SEZ6: variants seen among roughly 807,000 people sequenced by gnomAD.
SEZ6 encodes the protein seizure protein 6 homolog.
A neutral mutation model predicts 101.0 loss-of-function variants in SEZ6; 53 were observed. The ratio of observed to expected loss-of-function variants is 0.52; its 90% CI spans 0.42 to 0.66. The LOEUF is 0.66. SEZ6 is among the 30% of genes least tolerant of loss of function. SEZ6 has a pLI of 0.00. For synonymous variants in SEZ6, 488 were observed against 512.2 expected (o/e 0.95, Z 0.64); for missense variants, 1,102 against 1,289.4 (o/e 0.85, Z 2.23).
At chr17:28,960,109 C>G in intron 7 of SEZ6, 1 of 611,232 alleles carries the variant, frequency 1.6e-6, no homozygotes, top group Non-Finnish European at 2.8e-6. Context: ...ATCCTGTTCC[C>G]ACTGCCTGGT....
chr17:28,972,844 G>A (rs548371949), intron 3 of SEZ6, among the ~76,000 whole-genome samples: 1 of 152,338 alleles, frequency 6.6e-6, no homozygotes, highest in East Asian at 1.9e-4. Context: ...CAGAGGCTCA[G>A]GGAAAGTGCC....
chr17:28,957,635 G>A (rs1049151984), intron 11 of SEZ6, 96 bp from the exon 12 acceptor site: 2 of 1,311,402 alleles, frequency 1.5e-6, no homozygotes, highest in Non-Finnish European at 2.1e-6. Flanking sequence ...ACTTCTTCAT[G>A]TCGTATGGGT....
intron 1 of SEZ6, among the ~76,000 whole-genome samples, chr17:28,997,766 C>G (rs891149849): frequency 2.6e-5 from 4 of 152,118 alleles, no homozygotes; most frequent in Admixed American, 6.5e-5. Flanking sequence ...GGGGCAGGGA[C>G]AGGCATCATG....
At chr17:28,981,346 A>G (rs1321786796) in intron 2 of SEZ6, 25 bp downstream of exon 2, 1 of 1,525,384 alleles carries the variant, frequency 6.6e-7, no homozygotes. Context: ...CCATTTCCAC[A>G]TCTGCAAGCC....
intron 4 of SEZ6, among the ~76,000 whole-genome samples, chr17:28,964,854 C>T (rs1326420182): frequency 2.0e-5 from 3 of 151,496 alleles, no homozygotes; most frequent in Non-Finnish European, 4.4e-5. Flanking sequence ...GTCGGGAGTT[C>T]GAGACAAGCC....
intron 1 of SEZ6, among the ~76,000 whole-genome samples, chr17:29,003,212 C>A (rs2152694380): frequency 6.6e-6 from 1 of 152,362 alleles, no homozygotes; most frequent in Non-Finnish European, 1.5e-5. Context: ...TCGGCACACG[C>A]AGCCCCTTCA....
At chr17:28,988,423 T>C (rs1430689390) in intron 1 of SEZ6, among the ~76,000 whole-genome samples, 1 of 152,242 alleles carries the variant, frequency 6.6e-6, no homozygotes, top group African/African-American at 2.4e-5. Flanking sequence ...GCCCCGATTC[T>C]GCCTCTCTGC....
At chr17:28,992,474 G>C (rs1057026735) in intron 1 of SEZ6, among the ~76,000 whole-genome samples, 1 of 152,168 alleles carries the variant, frequency 6.6e-6, no homozygotes, top group Non-Finnish European at 1.5e-5. Flanking sequence ...TCACTACCAT[G>C]TGTCCCTGCC....
At chr17:28,980,571 C>T (rs942638142) in intron 2 of SEZ6, among the ~76,000 whole-genome samples, 1 of 151,988 alleles carries the variant, frequency 6.6e-6, no homozygotes, top group Non-Finnish European at 1.5e-5. Context: ...GGGGTTTCAC[C>T]GTGTTAGCAA....
At chr17:29,003,021 A>G (rs549836077) in intron 1 of SEZ6, among the ~76,000 whole-genome samples, 184 of 152,292 alleles carry the variant, frequency 1.2e-3, no homozygotes, top group African/African-American at 4.2e-3. Context: ...TCACACAGCC[A>G]TGGAGGCAGC....
rs753787633 is a variant in SEZ6 at position 28,957,221 on chromosome 17, T to C, written c.2516A>G (p.His839Arg). ...KCLLEQLKPC[H>R]GLSAPENGAR... Reference sequence around the variant, plus strand: ...ACCATTCTCAGGGGCACTGAGACCATGGCATGGCTTGAGCTGTTCCACTAC... The same window carrying C: ...ACCATTCTCAGGGGCACTGAGACCACGGCATGGCTTGAGCTGTTCCACTAC... The change falls in exon 13 of 17, where the codon CAT becomes CGT. Residue 839 changes from histidine to arginine, a missense_variant. This residue lies in a region of SEZ6 where 556 missense variants were observed against 735.1 expected (regional missense o/e 0.76). Transcript: ENST00000317338. The C allele has an allele frequency of 1.2e-6, 2 of 1,614,010 alleles. No homozygotes were observed. The highest frequency in any genetic ancestry group is 2.2e-5 in the South Asian group (2 of 91,080).
chr17:28,982,054 G>C lies in SEZ6; in HGVS notation c.56-15C>G. On this transcript the variant is annotated splice_polypyrimidine_tract_variant and intron_variant, in intron 1 of 16. Coordinates refer to ENST00000317338, the MANE Select transcript of SEZ6 (RefSeq NM_178860.5). ...TAAAGAGAGTCCTGAAATAATAAGG[G>C]ATGGTCAGAGGTTCTCCCCCTGCTC... is the stretch of plus-strand genomic sequence containing the variant. 1 of 1,562,510 alleles carries C rather than the reference G, an allele frequency of 6.4e-7. No individual in the cohort carries two copies. The highest frequency in any genetic ancestry group is 1.2e-5 in the South Asian group (1 of 84,766).
chr17:28,958,888 AGCTTC>A (rs2040927028), intron 10 of SEZ6, 132 bp downstream of exon 10: 2 of 974,996 alleles, frequency 2.1e-6, no homozygotes, highest in African/African-American at 1.6e-5. Flanking sequence ...GAACAGGACT[AGCTTC>A]CTCCAGGTGA....
At position 28,956,020 on chromosome 17, in the gene SEZ6, A is replaced by G. The variant is rs1185411555; in HGVS notation, c.2953-26T>C. 3.1e-6 allele frequency: 5 copies of G among 1,611,494 alleles called. No homozygotes were observed. The African/African-American group carries it at 5.3e-5, about 17-fold the overall frequency. Reference sequence around the variant, plus strand: ...CTGCTGGGAGTTGGAAACTTGTATTAGGTTTGCCAGGCCATAATTCACCTT... The same window carrying G: ...CTGCTGGGAGTTGGAAACTTGTATTGGGTTTGCCAGGCCATAATTCACCTT... On this transcript the variant is annotated intron_variant, in intron 16 of 16. Coordinates refer to ENST00000317338, the MANE Select transcript of SEZ6 (RefSeq NM_178860.5).
chr17:28,981,425 T>G lies in SEZ6; in HGVS notation c.670A>C (p.Thr224Pro). The part of the protein sequence containing the change: ...SSTASGDDEE[T>P]TTTTTIITTT... ...GTGATGATGGTGGTGGTAGTGGTGG[T>G]CTCCTCATCATCTCCTGAAGCTGTG... The change falls in exon 2 of 17, where the codon ACC becomes CCC. Residue 224 changes from threonine to proline, a missense_variant. Physicochemically the swap from Thr to Pro is conservative, Grantham distance 38. Around this residue, in one of 3 missense-constraint regions of SEZ6, gnomAD observed 406 missense variants for 418.6 expected, o/e 0.97. Transcript: ENST00000317338. 1 of 1,556,324 alleles carries G rather than the reference T, an allele frequency of 6.4e-7. No individual in the cohort carries two copies. The highest frequency in any genetic ancestry group is 8.7e-7 in the Non-Finnish European group (1 of 1,149,536).
In SEZ6 at chr17:28,959,034, G is replaced by A. The variant is rs770875537; in HGVS notation, c.2098C>T (p.His700Tyr). The A allele has an allele frequency of 6.2e-7, 1 of 1,612,116 alleles. No individual in the cohort carries two copies. Among genetic ancestry groups the A allele is most frequent in the Admixed American group, 1.7e-5 (1 of 59,856 alleles). The change falls in exon 10 of 17, where the codon CAC (histidine) becomes TAC (tyrosine). Residue 700 changes from histidine (H) to tyrosine (Y), a missense_variant. By Grantham distance (83) the His-to-Tyr change is moderately conservative (BLOSUM62 2). Transcript: ENST00000317338. The surrounding 1 kb of genome is among the most constrained non-coding windows in gnomAD (Gnocchi z 4.4). ...VLGYQQGFVI[H>Y]FFEVPRNDTC... ...GTAGGGACAAGCTCACCAAAGAAGT[G>A]GATGACGAAGCCCTGCTGGTAGCCC... is the stretch of plus-strand genomic sequence containing the variant.
chr17:28,960,791 G>A lies in SEZ6; in HGVS notation c.1409+14C>T. The A allele has an allele frequency of 6.2e-7, 1 of 1,613,680 alleles. No homozygotes were observed. The highest frequency in any genetic ancestry group is 8.5e-7 in the Non-Finnish European group (1 of 1,179,738). On this transcript the variant is annotated intron_variant, in intron 6 of 16. Transcript: ENST00000317338. The stretch of plus-strand genomic sequence containing the variant: ...CAGGCCAGGCACTCCCATTCCACTA[G>A]GACAGCCCCTCACCTGTCATCATCC...
In SEZ6 at chr17:28,969,906, C is replaced by T. The variant is rs372786936; in HGVS notation, c.905G>A (p.Gly302Asp). The change falls in exon 4 of 17, where the codon GGC becomes GAC. Residue 302 changes from glycine to aspartate, a missense_variant. Coordinates refer to ENST00000317338, the MANE Select transcript of SEZ6 (RefSeq NM_178860.5). ...LREGETVTVE[G>D]LGGPDPLPLA... is the part of the protein sequence containing the mutation. Reference sequence around the variant, plus strand: ...GGGCAGTGGGTCAGGCCCCCCCAGGCCTTCCACAGTCACTGTCTCCCCTTC... The same window carrying T: ...GGGCAGTGGGTCAGGCCCCCCCAGGTCTTCCACAGTCACTGTCTCCCCTTC... 1.8e-5 allele frequency: 28 copies of T among 1,546,620 alleles called. No individual in the cohort carries two copies. In the African/African-American group the frequency reaches 3.7e-4, roughly 21 times the overall value.
intron 3 of SEZ6, among the ~76,000 whole-genome samples, chr17:28,979,301 C>T (rs567299718): frequency 1.3e-5 from 2 of 152,290 alleles, no homozygotes; most frequent in African/African-American, 4.8e-5. Flanking sequence ...CAGCACAGAA[C>T]CTGACCCAGA....
Sources: allele counts gnomAD v4.1 joint callset (sites outside exome capture counted in the v4.1 genomes callset), GRCh38; gene constraint gnomAD v4.1.1; regional missense constraint gnomAD v4.1.1; non-coding constraint Gnocchi (gnomAD v3.1); transcripts MANE v1.5; gene names NCBI Gene and HGNC (gene_info 2026-07-23, HGNC 2026-07-21).